MRPS30: variants seen among roughly 807,000 people sequenced by gnomAD.
MRPS30 encodes large ribosomal subunit protein mL65.
Under a neutral mutation model 43.8 loss-of-function variants are expected in MRPS30, and 42 were observed. The ratio of observed to expected loss-of-function variants is 0.96; its 90% CI spans 0.75 to 1.24. The LOEUF (loss-of-function observed/expected upper bound fraction) is 1.24. MRPS30 is among the 50% of genes most tolerant of loss of function. MRPS30 has a pLI of 0.00. For synonymous variants in MRPS30, 273 were observed against 228.2 expected (o/e 1.20, Z -1.77); for missense variants, 638 against 570.0 (o/e 1.12, Z -1.22).
Position 44,811,991 on chromosome 5 carries a change from A to G in MRPS30, c.824A>G (p.Lys275Arg). 6.3e-7 allele frequency: 1 copy of G among 1,599,904 alleles called. No individual in the cohort carries two copies. Among genetic ancestry groups the G allele is most frequent in the South Asian group, 1.1e-5 (1 of 89,642 alleles). Residue 275 changes from lysine to arginine, a missense_variant, in exon 3 of 5, where the codon AAA (lysine) becomes AGA (arginine). Transcript: ENST00000507110. ...KCKPDKLPLF[K>R]RQYENHIFVG... ...AAACCAGACAAACTTCCATTATTCA[A>G]ACGGCAGTATGAAAACCACATATTT...
At chr5:44,813,346 T>A (rs1742873292) in intron 4 of MRPS30, 64 bp downstream of exon 4, 1 of 1,379,034 alleles carries the variant, frequency 7.3e-7, no homozygotes, top group African/African-American at 1.5e-5. Flanking sequence ...ATATAATGGT[T>A]AAAATTTTTT....
In MRPS30 at chr5:44,809,234, A is replaced by G; in HGVS notation, c.272A>G (p.Tyr91Cys). The change falls in exon 1 of 5, where the codon TAC (tyrosine) becomes TGC (cysteine). Residue 91 changes from tyrosine to cysteine, a missense_variant. Transcript: ENST00000507110. The part of the protein sequence containing the change: ...RILTKMQFMK[Y>C]MVYPQTFALN... ...CTCACCAAGATGCAGTTTATGAAGT[A>G]CATGGTTTACCCGCAGACCTTCGCG... The G allele has an allele frequency of 1.2e-6, 2 of 1,613,684 alleles. No homozygotes were observed. Among genetic ancestry groups the G allele is most frequent in the Non-Finnish European group, 1.7e-6 (2 of 1,179,924 alleles).
Position 44,809,087 on chromosome 5 carries a change from CG to C in MRPS30, c.126del (p.Arg43GlyfsTer9). ...TCQDVAATPV[A>X]RYPPIVASMT... ...CAAGACGTCGCGGCGACCCCCGTCGCGCGGTACCCGCCGATTGTGGCCTCCA... is the reference window on the plus strand; with the variant it reads ...CAAGACGTCGCGGCGACCCCCGTCGCCGGTACCCGCCGATTGTGGCCTCCA... On this transcript the variant is annotated frameshift_variant, in exon 1 of 5. Transcript: ENST00000507110. LOFTEE classifies it high-confidence loss of function. The C allele has an allele frequency of 6.2e-7, 1 of 1,609,272 alleles. No homozygotes were observed. Among genetic ancestry groups the C allele is most frequent in the South Asian group, 1.1e-5 (1 of 90,822 alleles).
intron 4 of MRPS30, among the ~76,000 whole-genome samples, chr5:44,814,307 T>A (rs1031411632): frequency 2.0e-5 from 3 of 152,236 alleles, no homozygotes; most frequent in Admixed American, 1.3e-4. Context: ...CATCTTTTTT[T>A]AACATATATA....
chr5:44,814,279 A>C (rs1274070684), intron 4 of MRPS30, among the ~76,000 whole-genome samples: 1 of 152,244 alleles, frequency 6.6e-6, no homozygotes, highest in Non-Finnish European at 1.5e-5. Flanking sequence ...ATTTTACTAC[A>C]TATTTGATTA....
Position 44,814,914 on chromosome 5 carries a change from A to G in MRPS30, c.1032A>G (p.Gly344=). Residue 344 remains glycine (G), a splice_region_variant and synonymous_variant, in exon 5 of 5, where the codon GGA becomes GGG. Coordinates refer to ENST00000507110, the MANE Select transcript of MRPS30 (RefSeq NM_016640.4). ...AWTGAQAMYQ[G]FWSEADVTRP... ...TTTCAGCATAACTTTCTTCTACAGG[A>G]TTCTGGAGTGAAGCAGATGTTACTC... 2 of 1,603,422 alleles carry G rather than the reference A, an allele frequency of 1.2e-6. No homozygotes were observed. Among genetic ancestry groups the G allele is most frequent in the South Asian group, 1.1e-5 (1 of 89,044 alleles).
Position 44,811,897 on chromosome 5 carries a change from CTTTTCT to C in MRPS30, c.748-9_748-4del, listed in dbSNP as rs1385128395. On this transcript the variant is annotated splice_polypyrimidine_tract_variant and intron_variant, in intron 2 of 4. Coordinates refer to ENST00000507110, the MANE Select transcript of MRPS30 (RefSeq NM_016640.4). ...TAATGTTGCTGTGAATTTAGTATGT[CTTTTCT>C]TTTTCTTTAAGTTTGTGCCATTGGA... The C allele has an allele frequency of 7.1e-7, 1 of 1,411,088 alleles. No individual in the cohort carries two copies. Among genetic ancestry groups the C allele is most frequent in the African/African-American group, 1.5e-5 (1 of 67,488 alleles). The allele number at this position is 1,411,088 out of a possible 1,614,324, so 87.4% of individuals were successfully genotyped here. A position where few individuals can be genotyped will look rare whatever the true frequency, so the allele number is the denominator to read the frequency against.
At chr5:44,811,822 C>A in intron 2 of MRPS30, 93 bp from the exon 3 acceptor site, 2 of 757,428 alleles carry the variant, frequency 2.6e-6, no homozygotes, top group Non-Finnish European at 4.1e-6. Flanking sequence ...TTTGTGAAAT[C>A]ACCTCATTTT....
At position 44,809,409 on chromosome 5, in the gene MRPS30, C is replaced by G. The variant is rs755037158; in HGVS notation, c.447C>G (p.Cys149Trp). The G allele has an allele frequency of 6.2e-7, 1 of 1,612,370 alleles. No homozygotes were observed. Among genetic ancestry groups the G allele is most frequent in the South Asian group, 1.1e-5 (1 of 91,018 alleles). ...CGCTGCGTGCGGTCGCCTGCGACTG[C>G]CTGCTGCAGGAGCACTTCTACCTGC... Reference protein sequence around the residue: ...LAALRAVACDCLLQEHFYLRR... With the variant: ...LAALRAVACDWLLQEHFYLRR... The change falls in exon 1 of 5, where the codon TGC (cysteine) becomes TGG (tryptophan). Residue 149 changes from cysteine (C) to tryptophan (W), a missense_variant. Cys to Trp is a radical substitution (Grantham distance 215). Transcript: ENST00000507110.
chr5:44,809,503 G>A lies in MRPS30; in HGVS notation c.541G>A (p.Val181Met), dbSNP rs771624666. The A allele has an allele frequency of 8.7e-6, 14 of 1,613,454 alleles. No individual in the cohort carries two copies. The highest frequency in any genetic ancestry group is 1.2e-5 in the Non-Finnish European group (14 of 1,179,834). Residue 181 changes from valine to methionine, a missense_variant, in exon 1 of 5, where the codon GTG (valine) becomes ATG (methionine). Val to Met is a conservative substitution (Grantham distance 21). Transcript: ENST00000507110. ...ATCTTTGCCCTTCCTGGATCAGCTG[G>A]TGTCAACCCTCGTGGGCCTCCTCAG... ...VISLPFLDQL[V>M]STLVGLLSPH...
chr5:44,809,650 C>A, intron 1 of MRPS30, 87 bp downstream of exon 1: 1 of 1,353,066 alleles, frequency 7.4e-7, no homozygotes, highest in Non-Finnish European at 1.0e-6. Flanking sequence ...CTCGTCATTT[C>A]TTTCTCTCTG....
chr5:44,811,781 C>T, intron 2 of MRPS30, 134 bp from the exon 3 acceptor site: 1 of 557,300 alleles, frequency 1.8e-6, no homozygotes, highest in Non-Finnish European at 3.1e-6. Context: ...TCGATTTGGC[C>T]CATCATTCGA....
chr5:44,809,804 C>G (rs1476014782), intron 1 of MRPS30: 1 of 502,776 alleles, frequency 2.0e-6, no homozygotes, highest in Non-Finnish European at 3.5e-6. Context: ...CCTGAGCTCT[C>G]CAGGATTCCA....
chr5:44,815,285 A>C lies in MRPS30; in HGVS notation c.*83A>C, dbSNP rs2111860717. The C allele has an allele frequency of 8.3e-7, 1 of 1,203,282 alleles. No individual in the cohort carries two copies. Among genetic ancestry groups the C allele is most frequent in the Non-Finnish European group, 1.1e-6 (1 of 877,694 alleles). The allele number at this position is 1,203,282 out of a possible 1,614,324, so 74.5% of individuals were successfully genotyped here. A position where few individuals can be genotyped will look rare whatever the true frequency, so the allele number is the denominator to read the frequency against. On this transcript the variant is annotated 3_prime_UTR_variant, in exon 5 of 5. Transcript: ENST00000507110. The stretch of plus-strand genomic sequence containing the variant: ...ATGATGAGATTTGTAACTGTCAACT[A>C]TTAAATACATTGATTTTTGAGACAA...
At position 44,809,481 on chromosome 5, in the gene MRPS30, T is replaced by A; in HGVS notation, c.519T>A (p.Ser173=). The change falls in exon 1 of 5, where the codon TCT becomes TCA. Residue 173 remains serine, a synonymous_variant. Coordinates refer to ENST00000507110, the MANE Select transcript of MRPS30 (RefSeq NM_016640.4). Reference sequence around the variant, plus strand: ...GTTACGAGGAGAGCGAGGTCATATCTTTGCCCTTCCTGGATCAGCTGGTGT... The same window carrying A: ...GTTACGAGGAGAGCGAGGTCATATCATTGCCCTTCCTGGATCAGCTGGTGT... ...VHRYEESEVI[S]LPFLDQLVST... 1 of 1,613,960 alleles carries A rather than the reference T, an allele frequency of 6.2e-7. No individual in the cohort carries two copies. Among genetic ancestry groups the A allele is most frequent in the South Asian group, 1.1e-5 (1 of 91,084 alleles).
chr5:44,811,396 A>G (rs1025242556), intron 2 of MRPS30, among the ~76,000 whole-genome samples: 1 of 152,250 alleles, frequency 6.6e-6, no homozygotes, highest in African/African-American at 2.4e-5. Flanking sequence ...TTGCCTGACC[A>G]TACAGATCTA....
intron 1 of MRPS30, 182 bp downstream of exon 1, chr5:44,809,745 T>A: frequency 1.5e-6 from 1 of 648,384 alleles, no homozygotes; most frequent in Non-Finnish European, 2.6e-6. Context: ...ATCTAGAGAC[T>A]AGGTGTGTGT....
chr5:44,811,112 TAA>T lies in MRPS30; in HGVS notation c.707_708del (p.Lys236ThrfsTer31). 2.5e-6 allele frequency: 4 copies of T among 1,614,056 alleles called. No individual in the cohort carries two copies. The highest frequency in any genetic ancestry group is 2.5e-6 in the Non-Finnish European group (3 of 1,179,950). On this transcript the variant is annotated frameshift_variant, in exon 2 of 5. Transcript: ENST00000507110. LOFTEE classifies it high-confidence loss of function. ...ATGACTTGCGATACCAGATAGATGA[TAA>T]ACCAAACAACCAGATTCGAATATCC... ...IDDLRYQIDD[K>X]PNNQIRISKQ...
At position 44,811,154 on chromosome 5, in the gene MRPS30, G is replaced by A. The variant is rs943462763; in HGVS notation, c.747G>A (p.Glu249=). The A allele has an allele frequency of 3.1e-6, 5 of 1,613,736 alleles. No individual in the cohort carries two copies. The highest frequency in any genetic ancestry group is 3.4e-6 in the Non-Finnish European group (4 of 1,179,758). The change falls in exon 2 of 5, where the codon GAG becomes GAA. Residue 249 remains glutamate, a splice_region_variant and synonymous_variant. Coordinates refer to ENST00000507110, the MANE Select transcript of MRPS30 (RefSeq NM_016640.4). ...TTCGAATATCCAAGCAACTCGCAGA[G>A]GTAAGGATTTATTGCGATTATGTAT... The part of the protein sequence containing the change: ...NQIRISKQLA[E]FVPLDYSVPI...
Sources: gnomAD v4.1 joint callset for allele counts (sites outside exome capture counted in the v4.1 genomes callset) on GRCh38, gnomAD v4.1.1 for gene constraint, MANE v1.5 for transcripts, NCBI Gene and HGNC (gene_info 2026-07-23, HGNC 2026-07-21) for gene names.